The following FAM228B variants were observed in gnomAD, a reference collection of about 807,000 sequenced individuals.
FAM228B encodes the protein protein FAM228B.
FAM228B carries 38 observed loss-of-function variants against 42.6 expected under a neutral mutation model. The ratio of observed to expected loss-of-function variants is 0.89; its 90% CI spans 0.69 to 1.17. FAM228B has a LOEUF of 1.17. FAM228B is among the 50% of genes most tolerant of loss of function. FAM228B has a pLI of 0.00. For synonymous variants in FAM228B, 109 were observed against 122.3 expected, an observed-to-expected ratio of 0.89 and a Z score of 0.72; for missense variants, 344 against 367.3, an observed-to-expected ratio of 0.94 and a Z score of 0.52.
intron 7 of FAM228B, among the ~76,000 whole-genome samples, chr2:24,148,284 C>G (rs866286189): frequency 1.3e-5 from 2 of 152,208 alleles, no homozygotes; most frequent in East Asian, 3.8e-4. Context: ...CCATGCTCTT[C>G]CCTCTCCCAC....
intron 2 of FAM228B, among the ~76,000 whole-genome samples, chr2:24,124,906 C>A (rs947092677): frequency 6.6e-6 from 1 of 152,172 alleles, no homozygotes; most frequent in Non-Finnish European, 1.5e-5. Context: ...TACACTGTGT[C>A]GCCTAGGCTG....
At chr2:24,127,661 C>T (rs991035702) in intron 2 of FAM228B, among the ~76,000 whole-genome samples, 2 of 151,686 alleles carry the variant, frequency 1.3e-5, no homozygotes, top group African/African-American at 4.8e-5. Context: ...AATTTTCAGC[C>T]ATTATTTCTT....
At chr2:24,166,940 TAGTG>T (rs1667431201) in intron 9 of FAM228B, among the ~76,000 whole-genome samples, 1 of 151,488 alleles carries the variant, frequency 6.6e-6, no homozygotes, top group South Asian at 2.1e-4. Context: ...AGGCTGAAGA[TAGTG>T]AGTGCTGAGA....
chr2:24,117,983 A>C (rs1268214928), intron 3 of FAM228B, among the ~76,000 whole-genome samples: 2 of 152,196 alleles, frequency 1.3e-5, no homozygotes. Flanking sequence ...TAACCAGGGC[A>C]CATTCTTTGG....
chr2:24,143,374 TC>T (rs1187518387), intron 5 of FAM228B, among the ~76,000 whole-genome samples: 1 of 152,136 alleles, frequency 6.6e-6, no homozygotes, highest in Non-Finnish European at 1.5e-5. Flanking sequence ...GTTGTTGTTT[TC>T]AGTAGAGATG....
At position 24,080,798 on chromosome 2, in the gene FAM228B, A is replaced by G; in HGVS notation, c.-289-78A>G. 6.2e-7 allele frequency: 1 copy of G among 1,613,738 alleles called. No individual in the cohort carries two copies. The highest frequency in any genetic ancestry group is 1.1e-5 in the South Asian group (1 of 91,054). Reference sequence around the variant, plus strand: ...TAATCATCTCTTAAATTCCTGCTGAACTGTAGAAGCAGTTGTTTACCTTTG... The same window carrying G: ...TAATCATCTCTTAAATTCCTGCTGAGCTGTAGAAGCAGTTGTTTACCTTTG... On this transcript the variant is annotated intron_variant, in intron 1 of 10. Coordinates refer to the FAM228B transcript ENST00000613899. This position sits in a 1 kb window ranked among gnomAD's most constrained non-coding sequence, Gnocchi z 4.7.
At chr2:24,082,963 G>C (rs1453751410) in intron 2 of FAM228B, 1 of 1,614,108 alleles carries the variant, frequency 6.2e-7, no homozygotes, top group Non-Finnish European at 8.5e-7. Flanking sequence ...AATCCCTCTG[G>C]GATAGGCATG....
upstream of FAM228B, among the ~76,000 whole-genome samples, chr2:24,120,550 ATTT>A (rs71395201): frequency 9.4e-5 from 14 of 149,054 alleles, no homozygotes; most frequent in African/African-American, 3.4e-4. Context: ...CAGAGAGCTG[ATTT>A]TTTTTAAAAT....
intron 6 of FAM228B, 31 bp from the exon 7 acceptor site, chr2:24,146,899 A>G: frequency 6.5e-7 from 1 of 1,545,088 alleles, no homozygotes; most frequent in South Asian, 1.2e-5. Context: ...GCATTTAAGG[A>G]TGTTAATTTA....
intron 5 of FAM228B, 40 bp from the exon 6 acceptor site, chr2:24,146,708 G>A (rs1666902843): frequency 7.1e-7 from 1 of 1,403,460 alleles, no homozygotes; most frequent in Admixed American, 2.1e-5. Context: ...TTACTACTCA[G>A]ACTTGCAACT....
chr2:24,120,777 A>C (rs897530538), upstream of FAM228B, among the ~76,000 whole-genome samples: 9 of 151,684 alleles, frequency 5.9e-5, no homozygotes, highest in Middle Eastern at 3.4e-3. Flanking sequence ...CTGGTCTTGA[A>C]CTCCTGACCT....
intron 3 of FAM228B, among the ~76,000 whole-genome samples, chr2:24,099,483 CAGAG>C (rs1477883828): frequency 1.3e-5 from 2 of 152,058 alleles, no homozygotes; most frequent in Non-Finnish European, 2.9e-5. Flanking sequence ...CATTAACAGA[CAGAG>C]AGCCAAATTA....
intron 5 of FAM228B, among the ~76,000 whole-genome samples, chr2:24,144,062 G>A (rs1666830701): frequency 6.6e-6 from 1 of 151,930 alleles, no homozygotes; most frequent in African/African-American, 2.4e-5. Flanking sequence ...TGATGTGTAA[G>A]TGCTTGTCAG....
At position 24,080,693 on chromosome 2, in the gene FAM228B, C is replaced by A; in HGVS notation, c.-289-183C>A. On this transcript the variant is annotated intron_variant, in intron 1 of 10. Coordinates refer to the FAM228B transcript ENST00000613899. The surrounding 1 kb of genome is among the most constrained non-coding windows in gnomAD (Gnocchi z 4.7). ...CAAATACCATAGTACTAGAATTTGG[C>A]CAGGGCAGCTGTTGTGCACTTAGCA... The A allele has an allele frequency of 1.8e-6, 2 of 1,132,700 alleles. No homozygotes were observed. Among genetic ancestry groups the A allele is most frequent in the Admixed American group, 2.0e-5 (1 of 49,454 alleles). 70.2% of individuals were successfully genotyped at this position (1,132,700 alleles called of 1,614,324 possible).
upstream of FAM228B, among the ~76,000 whole-genome samples, chr2:24,120,672 C>T (rs1427944621): frequency 6.6e-6 from 1 of 152,062 alleles, no homozygotes; most frequent in African/African-American, 2.4e-5. Context: ...TCTCCTGCCT[C>T]AGCCTCCCAA....
intron 7 of FAM228B, among the ~76,000 whole-genome samples, chr2:24,159,555 G>A (rs1667240569): frequency 6.6e-6 from 1 of 152,174 alleles, no homozygotes; most frequent in Admixed American, 6.5e-5. Flanking sequence ...ATGACCTCTA[G>A]TTTGGGTACA....
rs1192712178 is a variant in FAM228B, at chr2:24,139,410, A to T, written c.401A>T (p.Asp134Val). Residue 134 changes from aspartate to valine, a missense_variant, in exon 5 of 11, where the codon GAT becomes GTT. Asp to Val is a radical substitution (Grantham distance 152). Transcript: ENST00000615575. ...FIEHYDPKEY[D>V]PFYMSKKDPN... is the part of the protein sequence containing the mutation. ...GAACATTATGATCCAAAAGAGTATG[A>T]TCCCTTTTATATGAGCAAGAAGGAC... 1 of 1,548,356 alleles carries T rather than the reference A, an allele frequency of 6.5e-7. No individual in the cohort carries two copies. Among genetic ancestry groups the T allele is most frequent in the East Asian group, 2.5e-5 (1 of 40,782 alleles).
intron 7 of FAM228B, among the ~76,000 whole-genome samples, chr2:24,149,908 T>C (rs1666986422): frequency 6.6e-6 from 1 of 152,256 alleles, no homozygotes; most frequent in East Asian, 1.9e-4. Context: ...TTGTAAATGC[T>C]ATCTTGTAAC....
chr2:24,098,682 C>T (rs1190166497), intron 3 of FAM228B, among the ~76,000 whole-genome samples: 1 of 152,200 alleles, frequency 6.6e-6, no homozygotes, highest in East Asian at 1.9e-4. Context: ...GATAGATTCA[C>T]AGCCAAATTC....
Sources: gnomAD v4.1 joint callset for allele counts (sites outside exome capture counted in the v4.1 genomes callset) on GRCh38, gnomAD v4.1.1 for gene constraint, Gnocchi (gnomAD v3.1) non-coding constraint, MANE v1.5 for transcripts, NCBI Gene and HGNC (gene_info 2026-07-23, HGNC 2026-07-21) for gene names.